ATXN7: variants seen among roughly 807,000 people sequenced by gnomAD.
ATXN7 encodes the protein ataxin-7.
A neutral mutation model predicts 70.5 loss-of-function variants in ATXN7; 12 were observed. That is an observed-to-expected ratio of 0.17 (90% CI 0.11 to 0.28). The LOEUF (loss-of-function observed/expected upper bound fraction) is 0.28. ATXN7 is among the 10% of genes least tolerant of loss of function. ATXN7 has a pLI of 1.00. For missense variants in ATXN7, 1,256 were observed against 1,131.7 expected (o/e 1.11, Z -1.58); for synonymous variants, 498 against 448.7 (o/e 1.11, Z -1.39).
At chr3:63,875,435 C>T (rs1436914273) in intron 1 of ATXN7, among the ~76,000 whole-genome samples, 1 of 152,116 alleles carries the variant, frequency 6.6e-6, no homozygotes, top group East Asian at 1.9e-4. Flanking sequence ...AACATTCCGA[C>T]CATGACAGTG....
chr3:63,901,578 C>G (rs1025893680), intron 2 of ATXN7: 1 of 152,004 alleles, frequency 6.6e-6, no homozygotes, highest in African/African-American at 2.4e-5. Flanking sequence ...CTGCAAATGA[C>G]AGGAGTTCTC....
At chr3:63,953,749 C>T (rs1015635650) in intron 5 of ATXN7, among the ~76,000 whole-genome samples, 1 of 151,130 alleles carries the variant, frequency 6.6e-6, no homozygotes, top group Non-Finnish European at 1.5e-5. Context: ...CTCCCAGATT[C>T]AAGCAATTCC....
chr3:63,905,902 G>A (rs1053826504), intron 2 of ATXN7: 3 of 152,192 alleles, frequency 2.0e-5, no homozygotes, highest in African/African-American at 7.2e-5. Flanking sequence ...AGCCATAGAT[G>A]ATGTCATTTA....
chr3:63,922,009 C>T (rs567795565), intron 4 of ATXN7, among the ~76,000 whole-genome samples: 91 of 152,096 alleles, frequency 6.0e-4, no homozygotes, highest in Admixed American at 1.7e-3. Context: ...GCAAATGAAC[C>T]GCAGTTTTTT....
chr3:63,959,380 A>G (rs2106684163), intron 5 of ATXN7, among the ~76,000 whole-genome samples: 1 of 152,330 alleles, frequency 6.6e-6, no homozygotes, highest in East Asian at 1.9e-4. Context: ...TAACCAAAAC[A>G]GGCACATGAA....
At chr3:63,965,716 A>G (rs2075210604) in intron 5 of ATXN7, among the ~76,000 whole-genome samples, 1 of 152,218 alleles carries the variant, frequency 6.6e-6, no homozygotes, top group Non-Finnish European at 1.5e-5. Flanking sequence ...TGGATAGGAT[A>G]TCGAGAAACG....
rs935891061 is a variant in ATXN7 at position 63,928,623 on chromosome 3, G to A, written c.394+15398G>A. The stretch of plus-strand genomic sequence containing the variant: ...TGAAACAGGTATTTATATTATCCCC[G>A]TTTTAAAGAGGAAACTGAGGCTCAG... On this transcript the variant is annotated intron_variant, in intron 4 of 12. Coordinates refer to ENST00000674280, the MANE Select transcript of ATXN7 (RefSeq NM_001377405.1). Among the ~76,000 whole-genome samples, 10 of 152,024 alleles carry A rather than the reference G, an allele frequency of 6.6e-5. No homozygotes were observed. The South Asian group carries it at 1.0e-3, about 16-fold the overall frequency.
At chr3:63,940,636 T>C (rs943655802) in intron 4 of ATXN7, among the ~76,000 whole-genome samples, 2 of 152,204 alleles carry the variant, frequency 1.3e-5, no homozygotes, top group Non-Finnish European at 2.9e-5. Context: ...TAGACAGATA[T>C]AGACCGCAAC....
At chr3:63,888,637 G>A (rs1021788434) in intron 1 of ATXN7, among the ~76,000 whole-genome samples, 2 of 152,132 alleles carry the variant, frequency 1.3e-5, no homozygotes, top group African/African-American at 4.8e-5. Flanking sequence ...ATAGCTGGGG[G>A]TGGTGTCAAG....
intron 5 of ATXN7, among the ~76,000 whole-genome samples, chr3:63,964,244 T>C (rs1363484256): frequency 6.6e-6 from 1 of 152,206 alleles, no homozygotes; most frequent in Non-Finnish European, 1.5e-5. Context: ...AGGCAGTTTC[T>C]CGGGCGTCTA....
chr3:63,996,613 T>G, intron 12 of ATXN7, 130 bp downstream of exon 12: 2 of 581,974 alleles, frequency 3.4e-6, no homozygotes, highest in Non-Finnish European at 4.8e-6. Context: ...TCATGGTGTC[T>G]TCTTAAAAAA....
chr3:63,956,844 A>G (rs577011716), intron 5 of ATXN7, among the ~76,000 whole-genome samples: 1 of 152,330 alleles, frequency 6.6e-6, no homozygotes, highest in South Asian at 2.1e-4. Context: ...TGTGCTGCAA[A>G]TGTCACATTA....
chr3:63,992,722 A>G (rs1480238794), intron 11 of ATXN7, among the ~76,000 whole-genome samples: 1 of 152,180 alleles, frequency 6.6e-6, no homozygotes, highest in Non-Finnish European at 1.5e-5. Flanking sequence ...TCCGGGGAGA[A>G]GGAAACCAAC....
intron 8 of ATXN7, among the ~76,000 whole-genome samples, chr3:63,984,487 C>T (rs2075542201): frequency 6.6e-6 from 1 of 152,120 alleles, no homozygotes; most frequent in Non-Finnish European, 1.5e-5. Context: ...TGAAAGCATG[C>T]CTCAGCCCTG....
At chr3:63,933,570 C>G (rs1233419723) in intron 4 of ATXN7, among the ~76,000 whole-genome samples, 1 of 152,118 alleles carries the variant, frequency 6.6e-6, no homozygotes, top group Non-Finnish European at 1.5e-5. Context: ...CTGTTTTTGC[C>G]TCCCTCAAGA....
intron 1 of ATXN7, among the ~76,000 whole-genome samples, chr3:63,887,952 A>AT (rs1168467311): frequency 6.8e-6 from 1 of 146,118 alleles, no homozygotes; most frequent in African/African-American, 2.5e-5. Flanking sequence ...ACGTGTTTTT[A>AT]TTTTTTACAT....
rs1392242322 is a variant in ATXN7 at position 63,996,058 on chromosome 3, T to C, written c.2236T>C (p.Tyr746His). Residue 746 changes from tyrosine (Y) to histidine (H), a missense_variant, in exon 12 of 13, where the codon TAC becomes CAC. Tyr to His is a moderately conservative substitution (Grantham distance 83, BLOSUM62 2). Transcript: ENST00000674280. ...KNCVAHSGPP[Y>H]PSTVTSSHSI... ...CTGTGTGGCTCACTCTGGGCCTCCC[T>C]ACCCCTCAACGGTAACATCTTCCCA... 1 of 1,614,204 alleles carries C rather than the reference T, an allele frequency of 6.2e-7. No homozygotes were observed. Among genetic ancestry groups the C allele is most frequent in the Admixed American group, 1.7e-5 (1 of 60,026 alleles).
rs1575862649 is a variant in ATXN7 at position 63,898,462 on chromosome 3, T to C, written c.-47T>C. The C allele has an allele frequency of 1.3e-5, 2 of 152,206 alleles. No homozygotes were observed. The highest frequency in any genetic ancestry group is 1.9e-4 in the East Asian group (1 of 5,202). The allele number at this position is 152,206 out of a possible 1,614,324, so 9.4% of individuals were successfully genotyped here. Reference sequence around the variant, plus strand: ...CAGCAGATGAAGATCCATTGGTAAATTGATCAGGATTTTTGGCCTACCCTC... The same window carrying C: ...CAGCAGATGAAGATCCATTGGTAAACTGATCAGGATTTTTGGCCTACCCTC... On this transcript the variant is annotated 5_prime_UTR_variant, in exon 2 of 13. Transcript: ENST00000674280.
At chr3:63,969,829 G>A (rs896605011) in intron 5 of ATXN7, among the ~76,000 whole-genome samples, 9 of 152,174 alleles carry the variant, frequency 5.9e-5, no homozygotes, top group African/African-American at 1.7e-4. Flanking sequence ...ATAGAGGATT[G>A]AATCAAAAGT....
Sources: gnomAD v4.1 joint callset for allele counts (sites outside exome capture counted in the v4.1 genomes callset) on GRCh38, gnomAD v4.1.1 for gene constraint, MANE v1.5 for transcripts, NCBI Gene and HGNC (gene_info 2026-07-23, HGNC 2026-07-21) for gene names.